GNG2: variants seen among roughly 807,000 people sequenced by gnomAD.
The protein encoded by GNG2 is G protein subunit gamma 2.
A neutral mutation model predicts 5.5 loss-of-function variants in GNG2; 5 were observed. The ratio of observed to expected loss-of-function variants is 0.91; its 90% CI spans 0.48 to 1.92. GNG2 has a LOEUF of 1.92. Among genes scored for constraint, GNG2 ranks in the 30% most tolerant of loss-of-function variants. GNG2 has a pLI of 0.01. For synonymous variants in GNG2, 28 were observed against 32.0 expected (o/e 0.88, Z 0.42); for missense variants, 55 against 88.4 (o/e 0.62, Z 1.52).
chr14:51,963,764 C>T (rs1889745875), intron 3 of GNG2, among the ~76,000 whole-genome samples: 1 of 152,124 alleles, frequency 6.6e-6, no homozygotes, highest in Non-Finnish European at 1.5e-5. Context: ...TGCTGAGCCT[C>T]AATTTTTCAT....
upstream of GNG2, among the ~76,000 whole-genome samples, chr14:51,856,887 T>A (rs187239654): frequency 3.0e-4 from 46 of 152,344 alleles, no homozygotes; most frequent in African/African-American, 1.1e-3. Context: ...TGGATTTCTA[T>A]AGAAAATTTG....
intron 2 of GNG2, among the ~76,000 whole-genome samples, chr14:51,845,580 A>G (rs1457148722): frequency 6.6e-6 from 1 of 152,228 alleles, no homozygotes; most frequent in Non-Finnish European, 1.5e-5. Context: ...TGCTCTGAAG[A>G]ACTACGAGAG....
At chr14:51,891,752 T>C (rs892436927) in intron 2 of GNG2, among the ~76,000 whole-genome samples, 2 of 152,228 alleles carry the variant, frequency 1.3e-5, no homozygotes, top group Non-Finnish European at 2.9e-5. Flanking sequence ...AGTTTACCCA[T>C]TTTTACTGCT....
In GNG2 at chr14:51,911,878, T is replaced by G. The variant is rs1251082480; in HGVS notation, c.-30+34221T>G. Among the ~76,000 whole-genome samples, 12 of 146,258 alleles carry G rather than the reference T, an allele frequency of 8.2e-5. 1 individual carries two copies. Among genetic ancestry groups the G allele is most frequent in the Non-Finnish European group, 1.5e-4 (10 of 67,360 alleles). ...AGCCTTTTCTTATGTTTTTTTTTTT[T>G]GTTGTTATTGTTAGATTAAAGGAGT... On this transcript the variant is annotated intron_variant, in intron 2 of 3. Coordinates refer to ENST00000556766, the MANE Select transcript of GNG2 (RefSeq NM_053064.5).
chr14:51,853,898 CT>C (rs368774686), intron 2 of GNG2, among the ~76,000 whole-genome samples: 16 of 142,004 alleles, frequency 1.1e-4, no homozygotes, highest in East Asian at 2.0e-4. Flanking sequence ...TTTTTTTTTT[CT>C]TTTTTTTTTG....
intron 2 of GNG2, among the ~76,000 whole-genome samples, chr14:51,849,832 G>T (rs1881824669): frequency 7.5e-6 from 1 of 132,662 alleles, no homozygotes. Flanking sequence ...TTTGAGACAA[G>T]GTTTCACTCT....
chr14:51,836,725 A>G (rs1333263554), intron 2 of GNG2, among the ~76,000 whole-genome samples: 3 of 152,120 alleles, frequency 2.0e-5, no homozygotes, highest in African/African-American at 4.8e-5. Flanking sequence ...AAAAAAAATC[A>G]TAAGGCAAAT....
At chr14:51,845,042 A>G (rs992786725) in intron 2 of GNG2, among the ~76,000 whole-genome samples, 12 of 152,198 alleles carry the variant, frequency 7.9e-5, no homozygotes, top group African/African-American at 2.7e-4. Context: ...CACAATTTTT[A>G]TTGAAACAAC....
At chr14:51,918,392 G>GA (rs919367939) in intron 2 of GNG2, among the ~76,000 whole-genome samples, 230 of 141,162 alleles carry the variant, frequency 1.6e-3, no homozygotes, top group East Asian at 7.1e-3. Context: ...TCCTTCATTT[G>GA]AAAAAAAAAA....
intron 3 of GNG2, among the ~76,000 whole-genome samples, chr14:51,953,357 T>G (rs1889097256): frequency 6.6e-6 from 1 of 152,154 alleles, no homozygotes; most frequent in African/African-American, 2.4e-5. Flanking sequence ...AGTTGAAGAC[T>G]ACAAAAAAAT....
chr14:51,899,685 C>G (rs35857266), intron 2 of GNG2, among the ~76,000 whole-genome samples: 28 of 152,226 alleles, frequency 1.8e-4, no homozygotes, highest in Non-Finnish European at 3.1e-4. Context: ...TGCCCTCCCC[C>G]CAGTCCCTGG....
intron 2 of GNG2, chr14:51,827,957 A>G (rs891303893): frequency 3.4e-6 from 2 of 586,148 alleles, no homozygotes; most frequent in South Asian, 2.1e-5. Flanking sequence ...GCTGCGGAAG[A>G]TGAGAGAATA....
At position 51,884,761 on chromosome 14, in the gene GNG2, C is replaced by T. The variant is rs530019864; in HGVS notation, c.-30+7104C>T. Among the ~76,000 whole-genome samples the T allele has an allele frequency of 3.3e-5, 5 of 152,254 alleles. No homozygotes were observed. In the East Asian group the frequency reaches 5.8e-4, roughly 18 times the overall value. On this transcript the variant is annotated intron_variant, in intron 2 of 3. Transcript: ENST00000556766. Reference sequence around the variant, plus strand: ...AGTCTCCTCAGTGGCTATTCTGTTCCGATTTTCTTAGGTTGTTTAGGTAAT... The same window carrying T: ...AGTCTCCTCAGTGGCTATTCTGTTCTGATTTTCTTAGGTTGTTTAGGTAAT...
At chr14:51,941,227 A>T (rs1480215852) in intron 2 of GNG2, among the ~76,000 whole-genome samples, 1 of 152,204 alleles carries the variant, frequency 6.6e-6, no homozygotes, top group Non-Finnish European at 1.5e-5. Flanking sequence ...ATTAACAAAG[A>T]CATTTATCCA....
intron 1 of GNG2, among the ~76,000 whole-genome samples, chr14:51,861,063 A>G (rs1434869518): frequency 1.3e-5 from 2 of 152,326 alleles, no homozygotes; most frequent in African/African-American, 4.8e-5. Flanking sequence ...GAGGAAAACC[A>G]GGGCTGAGTC....
At chr14:51,940,169 AAGAAG>A (rs1379779377) in intron 2 of GNG2, 2 of 152,242 alleles carry the variant, frequency 1.3e-5, no homozygotes, top group African/African-American at 4.8e-5. Context: ...AAGCACTAAA[AAGAAG>A]AGGAGTGGGG....
At chr14:51,843,668 TG>T (rs970290163) in intron 2 of GNG2, among the ~76,000 whole-genome samples, 1 of 152,178 alleles carries the variant, frequency 6.6e-6, no homozygotes, top group African/African-American at 2.4e-5. Context: ...CACACTGTTA[TG>T]GGGCAGTCTT....
intron 2 of GNG2, among the ~76,000 whole-genome samples, chr14:51,924,600 G>C (rs376370679): frequency 2.6e-5 from 4 of 152,250 alleles, no homozygotes; most frequent in East Asian, 1.9e-4. Flanking sequence ...GGAACCTTGA[G>C]GAAGAAACAG....
At chr14:51,921,257 A>G (rs1886999703) in intron 2 of GNG2, among the ~76,000 whole-genome samples, 1 of 152,196 alleles carries the variant, frequency 6.6e-6, no homozygotes, top group South Asian at 2.1e-4. Flanking sequence ...GATAGTATGC[A>G]CCGCATAGTG....
Sources: gnomAD v4.1 joint callset for allele counts (sites outside exome capture counted in the v4.1 genomes callset) on GRCh38, gnomAD v4.1.1 for gene constraint, MANE v1.5 for transcripts, NCBI Gene and HGNC (gene_info 2026-07-23, HGNC 2026-07-21) for gene names.